Variants in IGFL2 observed in about 807,000 individuals in gnomAD.
IGFL2 encodes the protein IGF like family member 2.
Under a neutral mutation model 13.9 loss-of-function variants are expected in IGFL2, and 7 were observed. That is an observed-to-expected ratio of 0.51 (90% CI 0.29 to 0.95). The LOEUF is 0.95. IGFL2 is among the 40% of genes least tolerant of loss of function. The pLI, the probability that IGFL2 is intolerant of heterozygous loss-of-function variation, is 0.08. For synonymous variants in IGFL2, 55 were observed against 55.8 expected (o/e 0.99, Z 0.07); for missense variants, 138 against 147.8 (o/e 0.93, Z 0.34).
chr19:46,148,145 C>A, upstream of IGFL2: 1 of 696,582 alleles, frequency 1.4e-6, no homozygotes, highest in Non-Finnish European at 2.4e-6. Context: ...CTTCTCATGC[C>A]CCACCCTTTC....
At chr19:46,093,296 A>G in the IGFL2 span, among the ~76,000 whole-genome samples, 1 of 152,230 alleles carries the variant, frequency 6.6e-6, no homozygotes, top group Non-Finnish European at 1.5e-5. Context: ...ATAAAACTTA[A>G]GACATTAATA....
At chr19:46,154,590 C>T (rs1242035773) in intron 1 of IGFL2, among the ~76,000 whole-genome samples, 1 of 152,034 alleles carries the variant, frequency 6.6e-6, no homozygotes, top group Non-Finnish European at 1.5e-5. Context: ...ACTACAGGCA[C>T]CCACCACCAC....
At chr19:46,124,079 G>A in the IGFL2 span, 2 of 1,611,580 alleles carry the variant, frequency 1.2e-6, no homozygotes, top group Non-Finnish European at 8.5e-7. Flanking sequence ...TAACAGCACT[G>A]CTCTGAAGGG....
intron 1 of IGFL2, chr19:46,160,118 A>G (rs1428879787): frequency 2.3e-6 from 1 of 430,314 alleles, no homozygotes; most frequent in Non-Finnish European, 4.3e-6. Context: ...GTTAATCTTT[A>G]ACAGCTGCTC....
At chr19:46,124,584 G>T in the IGFL2 span, 3 of 1,572,960 alleles carry the variant, frequency 1.9e-6, no homozygotes, top group South Asian at 1.1e-5. Context: ...GCTGCACTGG[G>T]AATGAGATGA....
the IGFL2 span, among the ~76,000 whole-genome samples, chr19:46,085,134 A>G: frequency 6.6e-6 from 1 of 152,210 alleles, no homozygotes; most frequent in Non-Finnish European, 1.5e-5. Flanking sequence ...TTTGAAACCC[A>G]GCAGGGCAGT....
the IGFL2 span, among the ~76,000 whole-genome samples, chr19:46,129,307 TTGTGTG>T: frequency 0.036 from 4,906 of 136,954 alleles, 110 homozygotes; most frequent in African/African-American, 0.068. Context: ...TGTTGATCTT[TTGTGTG>T]TGTGTGTGTG....
At chr19:46,094,670 G>A in the IGFL2 span, among the ~76,000 whole-genome samples, 2 of 152,112 alleles carry the variant, frequency 1.3e-5, no homozygotes, top group Admixed American at 1.3e-4. Flanking sequence ...TTATCCTGAT[G>A]CTTTCCCCTC....
chr19:46,201,216 A>G, the IGFL2 span, among the ~76,000 whole-genome samples: 3 of 152,178 alleles, frequency 2.0e-5, no homozygotes, highest in Non-Finnish European at 4.4e-5. Flanking sequence ...CCTCCTCACA[A>G]GAGAGATACA....
At chr19:46,205,625 T>C in the IGFL2 span, among the ~76,000 whole-genome samples, 1 of 147,700 alleles carries the variant, frequency 6.8e-6, no homozygotes, top group East Asian at 2.1e-4. Context: ...AGAGAGCTGT[T>C]CTTCTTTCTC....
chr19:46,109,267 G>A, the IGFL2 span, among the ~76,000 whole-genome samples: 3 of 152,164 alleles, frequency 2.0e-5, no homozygotes, highest in Admixed American at 6.5e-5. Flanking sequence ...TTGTGGGCAG[G>A]GGGTGGATCT....
the IGFL2 span, among the ~76,000 whole-genome samples, chr19:46,102,347 A>G: frequency 6.6e-6 from 1 of 152,240 alleles, no homozygotes; most frequent in African/African-American, 2.4e-5. Flanking sequence ...CGTTTGGGAT[A>G]GGCGGTGGAG....
the IGFL2 span, chr19:46,198,041 T>A: frequency 2.1e-3 from 234 of 109,052 alleles, 1 homozygote; most frequent in African/African-American, 0.01. Context: ...CTTCCTTCCT[T>A]CCTGCCTTCC....
chr19:46,090,104 T>G, the IGFL2 span, among the ~76,000 whole-genome samples: 1 of 152,158 alleles, frequency 6.6e-6, no homozygotes, highest in Non-Finnish European at 1.5e-5. Context: ...GTTCACAGAT[T>G]CTTTTTTCTA....
the IGFL2 span, among the ~76,000 whole-genome samples, chr19:46,179,162 TGTG>T: frequency 7.1e-6 from 1 of 141,134 alleles, no homozygotes; most frequent in Non-Finnish European, 1.5e-5. Context: ...CAGAACTAGT[TGTG>T]GGGTGCAGAG....
chr19:46,134,595 A>G, the IGFL2 span, among the ~76,000 whole-genome samples: 1 of 152,184 alleles, frequency 6.6e-6, no homozygotes, highest in Non-Finnish European at 1.5e-5. Context: ...CATATTAGAT[A>G]AGGAGTATTA....
At chr19:46,140,245 C>CTATATATA (rs10574851), upstream of IGFL2, among the ~76,000 whole-genome samples, 30 of 148,594 alleles carry the variant, frequency 2.0e-4, no homozygotes, top group East Asian at 6.0e-4. Context: ...CACGCCCAGC[C>CTATATATA]TATATATATA....
the IGFL2 span, among the ~76,000 whole-genome samples, chr19:46,177,043 A>T: frequency 0.9 from 137,184 of 152,146 alleles, 62,479 homozygotes; most frequent in African/African-American, 0.95. Flanking sequence ...TCATTCTTCA[A>T]TCTTTTTTAG....
the IGFL2 span, among the ~76,000 whole-genome samples, chr19:46,168,304 G>C: frequency 1.3e-5 from 2 of 152,198 alleles, no homozygotes; most frequent in African/African-American, 4.8e-5. Context: ...GGTGGCATCA[G>C]TTTTGAGTTT....
Sources: allele counts gnomAD v4.1 joint callset (sites outside exome capture counted in the v4.1 genomes callset), GRCh38; gene constraint gnomAD v4.1.1; transcripts MANE v1.5; gene names NCBI Gene and HGNC (gene_info 2026-07-23, HGNC 2026-07-21).